The following SLC8A3 variants were observed in gnomAD, a reference collection of about 807,000 sequenced individuals.
SLC8A3 encodes solute carrier family 8 member A3, also known as sodium/calcium exchanger 3.
SLC8A3 carries 37 observed loss-of-function variants against 65.4 expected under a neutral mutation model. That is an observed-to-expected ratio of 0.57 (90% CI 0.44 to 0.74). The LOEUF is 0.74. Ranked by LOEUF, SLC8A3 falls within the 30% of genes least tolerant of loss-of-function variation. The probability of loss-of-function intolerance (pLI) is 0.00; values close to 1 mark genes in which losing one functional copy is unlikely to be tolerated. For missense variants in SLC8A3, 1,112 were observed against 1,172.1 expected (o/e 0.95, Z 0.75); for synonymous variants, 461 against 444.5 (o/e 1.04, Z -0.47).
chr14:70,057,764 C>G (rs1224351613), intron 3 of SLC8A3, among the ~76,000 whole-genome samples: 1 of 152,150 alleles, frequency 6.6e-6, no homozygotes, highest in Non-Finnish European at 1.5e-5. Flanking sequence ...TATTCCTGCT[C>G]AGACACCCCA....
intron 2 of SLC8A3, among the ~76,000 whole-genome samples, chr14:70,163,066 G>T (rs1026959311): frequency 3.9e-5 from 6 of 152,288 alleles, no homozygotes; most frequent in Non-Finnish European, 7.4e-5. Context: ...ATGTCAGCTT[G>T]TCTTATTCAC....
chr14:70,116,086 C>T (rs1258945541), intron 2 of SLC8A3, among the ~76,000 whole-genome samples: 1 of 151,850 alleles, frequency 6.6e-6, no homozygotes, highest in African/African-American at 2.4e-5. Context: ...AGAATTGGCA[C>T]CCCCCTCCCC....
chr14:70,053,589 A>G (rs556497020), intron 3 of SLC8A3, among the ~76,000 whole-genome samples: 11 of 152,368 alleles, frequency 7.2e-5, no homozygotes, highest in African/African-American at 2.6e-4. Flanking sequence ...TTATACCAAT[A>G]TAATGAGCTC....
At chr14:70,122,073 A>G (rs61977440) in intron 2 of SLC8A3, among the ~76,000 whole-genome samples, 18,272 of 152,172 alleles carry the variant, frequency 0.12, 1,258 homozygotes, top group Non-Finnish European at 0.16. Flanking sequence ...TCCCTGTCCC[A>G]CCAGGATGAG....
intron 2 of SLC8A3, among the ~76,000 whole-genome samples, chr14:70,068,138 G>T (rs1889648662): frequency 6.6e-6 from 1 of 152,178 alleles, no homozygotes; most frequent in Non-Finnish European, 1.5e-5. Flanking sequence ...ATAGTCCTTT[G>T]CATCGAGGAC....
intron 2 of SLC8A3, among the ~76,000 whole-genome samples, chr14:70,153,186 G>A (rs1896376846): frequency 6.6e-6 from 1 of 152,148 alleles, no homozygotes; most frequent in Non-Finnish European, 1.5e-5. Context: ...CTGCAACCTG[G>A]TGTGGCACAT....
intron 3 of SLC8A3, chr14:70,055,831 C>A (rs188504875): frequency 6.2e-7 from 1 of 1,607,478 alleles, no homozygotes; most frequent in Non-Finnish European, 8.5e-7. Context: ...CAAATGGATA[C>A]CAGAAAAATG....
chr14:70,138,426 T>C (rs941889878), intron 2 of SLC8A3, among the ~76,000 whole-genome samples: 1 of 152,238 alleles, frequency 6.6e-6, no homozygotes, highest in Non-Finnish European at 1.5e-5. Context: ...CCCAACAGAC[T>C]ATAAAGCAGC....
intron 2 of SLC8A3, among the ~76,000 whole-genome samples, chr14:70,092,663 A>T (rs554541036): frequency 1.3e-5 from 2 of 152,272 alleles, no homozygotes; most frequent in Admixed American, 1.3e-4. Flanking sequence ...CATTTCCAAC[A>T]TTTAAACTGA....
intron 2 of SLC8A3, among the ~76,000 whole-genome samples, chr14:70,083,273 A>C (rs12889279): frequency 0.48 from 72,657 of 151,994 alleles, 17,563 homozygotes; most frequent in South Asian, 0.66. Context: ...ACAGTGGACA[A>C]AATGCTTCCC....
In SLC8A3 at chr14:70,053,625, C is replaced by G. The variant is rs555006399; in HGVS notation, c.1889-1511G>C. Among the ~76,000 whole-genome samples the G allele has an allele frequency of 1.5e-4, 23 of 152,352 alleles. No homozygotes were observed. The South Asian group carries it at 4.6e-3, about 30-fold the overall frequency. ...TCCAGTGACATATAAATGTACCTGT[C>G]TAACCCCTTGTCTACCTATCAATCT... On this transcript the variant is annotated intron_variant, in intron 3 of 6. Coordinates refer to ENST00000356921, the MANE Select transcript of SLC8A3 (RefSeq NM_182932.3).
chr14:70,119,660 G>A (rs757870579), intron 2 of SLC8A3, among the ~76,000 whole-genome samples: 2 of 152,196 alleles, frequency 1.3e-5, no homozygotes, highest in Non-Finnish European at 2.9e-5. Flanking sequence ...GAGCTCTGGA[G>A]AGAACAGCCT....
At chr14:70,092,008 C>T (rs1384565970) in intron 2 of SLC8A3, among the ~76,000 whole-genome samples, 1 of 152,184 alleles carries the variant, frequency 6.6e-6, no homozygotes, top group East Asian at 1.9e-4. Flanking sequence ...CTATGCAACC[C>T]TCACAGACTG....
intron 2 of SLC8A3, among the ~76,000 whole-genome samples, chr14:70,073,539 G>T (rs1269398550): frequency 6.6e-6 from 1 of 152,130 alleles, no homozygotes; most frequent in East Asian, 1.9e-4. Flanking sequence ...CCCTGAAGTT[G>T]ATAAATCCCC....
intron 2 of SLC8A3, among the ~76,000 whole-genome samples, chr14:70,099,230 G>C (rs1044185233): frequency 5.3e-5 from 8 of 152,172 alleles, no homozygotes; most frequent in African/African-American, 1.9e-4. Flanking sequence ...ATCCAGGTCT[G>C]ATTTAGCCCA....
chr14:70,104,461 A>G (rs920301107), intron 2 of SLC8A3, among the ~76,000 whole-genome samples: 5 of 152,100 alleles, frequency 3.3e-5, no homozygotes, highest in African/African-American at 9.7e-5. Context: ...ACACATACAC[A>G]TTTATGATTG....
chr14:70,159,756 T>C (rs867062842), intron 2 of SLC8A3, among the ~76,000 whole-genome samples: 4 of 151,218 alleles, frequency 2.6e-5, no homozygotes, highest in Middle Eastern at 3.4e-3. Context: ...TTATTATTGT[T>C]GCCTGAAGCT....
intron 2 of SLC8A3, among the ~76,000 whole-genome samples, chr14:70,065,205 C>T (rs767955492): frequency 6.6e-6 from 1 of 152,176 alleles, no homozygotes; most frequent in Non-Finnish European, 1.5e-5. Context: ...GGTACAACCT[C>T]CCTGCCCTCC....
At chr14:70,059,460 G>C (rs1007187964) in intron 3 of SLC8A3, 2 of 152,112 alleles carry the variant, frequency 1.3e-5, no homozygotes, top group African/African-American at 2.4e-5. Context: ...GAGTGTGAAC[G>C]TCCTCTTGTT....
Sources: allele counts gnomAD v4.1 joint callset (sites outside exome capture counted in the v4.1 genomes callset), GRCh38; gene constraint gnomAD v4.1.1; transcripts MANE v1.5; gene names NCBI Gene and HGNC (gene_info 2026-07-23, HGNC 2026-07-21).